The following XYLT1 variants were observed in gnomAD, a reference collection of about 807,000 sequenced individuals.
XYLT1 encodes xylosyltransferase 1.
In XYLT1, 36 loss-of-function variants were observed where a neutral mutation model predicts 91.3. The ratio of observed to expected loss-of-function variants is 0.39; its 90% CI spans 0.30 to 0.52. The LOEUF (loss-of-function observed/expected upper bound fraction) is 0.52, where lower values mean the gene tolerates loss of function less well. Ranked by LOEUF, XYLT1 falls within the 20% of genes least tolerant of loss-of-function variation. The probability of loss-of-function intolerance (pLI) is 0.68; values close to 1 mark genes in which losing one functional copy is unlikely to be tolerated. For synonymous variants in XYLT1, 588 were observed against 532.0 expected, an observed-to-expected ratio of 1.11 and a Z score of -1.45; for missense variants, 1,242 against 1,284.5, an observed-to-expected ratio of 0.97 and a Z score of 0.51.
At chr16:17,396,564 G>C (rs2035889446) in intron 1 of XYLT1, among the ~76,000 whole-genome samples, 1 of 152,160 alleles carries the variant, frequency 6.6e-6, no homozygotes, top group Admixed American at 6.6e-5. Flanking sequence ...CAGGGTGTTA[G>C]GGTAGTACAT....
At chr16:17,168,487 A>T (rs1025624473) in intron 5 of XYLT1, among the ~76,000 whole-genome samples, 1 of 152,190 alleles carries the variant, frequency 6.6e-6, no homozygotes, top group African/African-American at 2.4e-5. Context: ...AGTGGGTACA[A>T]TGCTCACTTA....
chr16:17,159,844 G>A (rs954036381), intron 5 of XYLT1, among the ~76,000 whole-genome samples: 6 of 152,174 alleles, frequency 3.9e-5, no homozygotes, highest in African/African-American at 1.4e-4. Flanking sequence ...GCAGTCACAC[G>A]GGTCTCCATC....
intron 2 of XYLT1, among the ~76,000 whole-genome samples, chr16:17,280,216 C>T (rs1024300860): frequency 6.6e-6 from 1 of 152,274 alleles, no homozygotes; most frequent in Middle Eastern, 3.4e-3. Context: ...CCAGGCATGG[C>T]GGCAGCACCT....
intron 1 of XYLT1, among the ~76,000 whole-genome samples, chr16:17,377,006 A>G (rs2035610853): frequency 6.6e-6 from 1 of 151,756 alleles, no homozygotes. Context: ...GTGAAACACC[A>G]TTTCTTCTAA....
rs118119233 is a variant in XYLT1 at position 17,140,001 on chromosome 16, C to T, written c.1587+1152G>A. Among the ~76,000 whole-genome samples, 881 of 152,182 alleles carry T rather than the reference C, an allele frequency of 5.8e-3. 7 individuals are homozygous for T. The highest frequency in any genetic ancestry group is 0.01 in the Non-Finnish European group (683 of 68,022). ...GTGGTCCCGGGAAGGAACAAGGGAC[C>T]GTTCATGAGAAATGCCATAGACTCA... On this transcript the variant is annotated intron_variant, in intron 7 of 11. Transcript: ENST00000261381.
intron 6 of XYLT1, among the ~76,000 whole-genome samples, chr16:17,151,903 CAG>C (rs1423264791): frequency 6.6e-6 from 1 of 152,124 alleles, no homozygotes; most frequent in Non-Finnish European, 1.5e-5. Context: ...AGTAGAAATG[CAG>C]AGTCAGTGGC....
intron 3 of XYLT1, among the ~76,000 whole-genome samples, chr16:17,218,890 C>T (rs1049968558): frequency 6.6e-6 from 1 of 152,022 alleles, no homozygotes; most frequent in African/African-American, 2.4e-5. Context: ...ATTATAAATG[C>T]CTGTGAGTGT....
At chr16:17,308,504 T>G (rs567258242) in intron 2 of XYLT1, among the ~76,000 whole-genome samples, 1 of 152,196 alleles carries the variant, frequency 6.6e-6, no homozygotes, top group Non-Finnish European at 1.5e-5. Context: ...TACAGCTCTA[T>G]CTACAAAGAA....
At chr16:17,285,939 TGAGA>T (rs759536733) in intron 2 of XYLT1, among the ~76,000 whole-genome samples, 6 of 120,136 alleles carry the variant, frequency 5.0e-5, no homozygotes, top group Non-Finnish European at 9.0e-5. Flanking sequence ...TGTGAGTGAG[TGAGA>T]GAGAGAGAGA....
At chr16:17,372,661 G>A (rs892186427) in intron 1 of XYLT1, among the ~76,000 whole-genome samples, 1 of 152,158 alleles carries the variant, frequency 6.6e-6, no homozygotes, top group African/African-American at 2.4e-5. Context: ...ATCTTCTTCC[G>A]TGTGACTTCA....
chr16:17,143,603 T>C (rs1022828076), intron 6 of XYLT1, among the ~76,000 whole-genome samples: 62 of 152,230 alleles, frequency 4.1e-4, no homozygotes, highest in African/African-American at 1.4e-3. Flanking sequence ...CTGGGAATGA[T>C]TGTCTTCTTC....
intron 1 of XYLT1, among the ~76,000 whole-genome samples, chr16:17,424,710 A>G (rs1428657227): frequency 6.6e-6 from 1 of 152,042 alleles, no homozygotes; most frequent in Non-Finnish European, 1.5e-5. Context: ...TTTACTAAAA[A>G]TACAAAAAGT....
chr16:17,274,623 G>A (rs1344702865), intron 2 of XYLT1, among the ~76,000 whole-genome samples: 3 of 152,158 alleles, frequency 2.0e-5, no homozygotes, highest in Non-Finnish European at 2.9e-5. Flanking sequence ...CATCAAGGGT[G>A]TGGAGCCTCA....
intron 1 of XYLT1, among the ~76,000 whole-genome samples, chr16:17,455,778 G>A (rs960141184): frequency 1.3e-5 from 2 of 152,078 alleles, no homozygotes; most frequent in Non-Finnish European, 2.9e-5. Context: ...AATTACCAGC[G>A]ACTCCTCGCA....
In XYLT1 at chr16:17,200,621, T is replaced by C; in HGVS notation, c.947A>G (p.Asp316Gly). ...KANKNVQWDE[D>G]SVEYMPANPV... ...GTTGGCTGGCATGTACTCCACGGAG[T>C]CCTCGTCCCACTGCACGTTCTTGTT... The change falls in exon 4 of 12, where the codon GAC becomes GGC. Residue 316 changes from aspartate (D) to glycine (G), a missense_variant. By Grantham distance (94) the Asp-to-Gly change is moderately conservative (BLOSUM62 -1). Coordinates refer to ENST00000261381, the MANE Select transcript of XYLT1 (RefSeq NM_022166.4). The C allele has an allele frequency of 1.2e-6, 2 of 1,613,454 alleles. No homozygotes were observed. The highest frequency in any genetic ancestry group is 1.7e-6 in the Non-Finnish European group (2 of 1,179,762).
intron 2 of XYLT1, among the ~76,000 whole-genome samples, chr16:17,296,467 C>T (rs1293187570): frequency 1.3e-5 from 2 of 152,148 alleles, no homozygotes; most frequent in Non-Finnish European, 1.5e-5. Flanking sequence ...GGACCCGATT[C>T]CCTGTTCCTG....
At chr16:17,456,868 A>C (rs1051687954) in intron 1 of XYLT1, among the ~76,000 whole-genome samples, 2 of 152,216 alleles carry the variant, frequency 1.3e-5, no homozygotes, top group African/African-American at 4.8e-5. Flanking sequence ...CATAAGGCTG[A>C]TATAATGATT....
chr16:17,431,784 G>A (rs1042273425), intron 1 of XYLT1, among the ~76,000 whole-genome samples: 3 of 152,244 alleles, frequency 2.0e-5, no homozygotes, highest in South Asian at 2.1e-4. Flanking sequence ...TAGCAACAGC[G>A]TGACACAGAG....
At chr16:17,121,323 T>C (rs2030047927) in intron 10 of XYLT1, among the ~76,000 whole-genome samples, 1 of 152,062 alleles carries the variant, frequency 6.6e-6, no homozygotes, top group Non-Finnish European at 1.5e-5. Context: ...ACAAACAACC[T>C]GGATCTTGTT....
Sources: gnomAD v4.1 joint callset for allele counts (sites outside exome capture counted in the v4.1 genomes callset) on GRCh38, gnomAD v4.1.1 for gene constraint, MANE v1.5 for transcripts, NCBI Gene and HGNC (gene_info 2026-07-23, HGNC 2026-07-21) for gene names.